Variants in LRPPRC observed in about 807,000 individuals in gnomAD.
LRPPRC encodes leucine-rich PPR motif-containing protein, mitochondrial.
LRPPRC carries 120 observed loss-of-function variants against 180.3 expected under a neutral mutation model. That is an observed-to-expected ratio of 0.67 (90% CI 0.57 to 0.77). The LOEUF (loss-of-function observed/expected upper bound fraction) is 0.77. Among genes scored for constraint, LRPPRC ranks in the 30% least tolerant of loss-of-function variants. The pLI is 0.00. For missense variants in LRPPRC, 2,012 were observed against 1,657.2 expected, an observed-to-expected ratio of 1.21 and a Z score of -3.72; for synonymous variants, 723 against 600.0, an observed-to-expected ratio of 1.21 and a Z score of -3.00.
At chr2:43,906,290 TAC>T (rs1300401448) in intron 30 of LRPPRC, among the ~76,000 whole-genome samples, 1 of 152,354 alleles carries the variant, frequency 6.6e-6, no homozygotes, top group Admixed American at 6.5e-5. Context: ...TCTAGATTCA[TAC>T]AGTTTCTGAA....
intron 11 of LRPPRC, among the ~76,000 whole-genome samples, chr2:43,966,433 G>A (rs558059268): frequency 1.6e-4 from 24 of 149,226 alleles, no homozygotes; most frequent in Admixed American, 1.4e-3. Context: ...TTTTTGAGAC[G>A]GAGTTTCGCT....
At chr2:43,932,483 A>G (rs1672127160) in intron 25 of LRPPRC, among the ~76,000 whole-genome samples, 1 of 152,170 alleles carries the variant, frequency 6.6e-6, no homozygotes, top group Admixed American at 6.5e-5. Context: ...CACACCTACT[A>G]CGAAAATTCT....
chr2:43,956,750 C>T (rs769339153), intron 14 of LRPPRC, among the ~76,000 whole-genome samples: 26 of 151,950 alleles, frequency 1.7e-4, no homozygotes, highest in African/African-American at 6.3e-4. Flanking sequence ...CTTAGCCAGG[C>T]GTGGTGGTGG....
chr2:43,974,618 AAT>A lies in LRPPRC; in HGVS notation c.1003_1004del (p.Ile335SerfsTer13). 2 of 1,569,778 alleles carry A rather than the reference AAT, an allele frequency of 1.3e-6. No homozygotes were observed. Among genetic ancestry groups the A allele is most frequent in the Non-Finnish European group, 1.8e-6 (2 of 1,140,598 alleles). On this transcript the variant is annotated frameshift_variant, in exon 8 of 38. Coordinates refer to ENST00000260665, the MANE Select transcript of LRPPRC (RefSeq NM_133259.4). LOFTEE classifies it high-confidence loss of function. ...AATAGATTTTTTTAAAACTACCTGG[AAT>A]ATATCTTCTTTCACATGTAACTTTT... ...LEKVTCERRY[I>X]PDAMNLILLL...
chr2:43,895,471 A>G (rs148867437), intron 35 of LRPPRC, among the ~76,000 whole-genome samples: 1,622 of 152,358 alleles, frequency 0.011, 29 homozygotes, highest in African/African-American at 0.037. Context: ...CTCCTGGACA[A>G]GGCAACAGGG....
intron 11 of LRPPRC, among the ~76,000 whole-genome samples, chr2:43,967,687 C>T (rs183180180): frequency 2.6e-5 from 4 of 152,208 alleles, no homozygotes; most frequent in South Asian, 2.1e-4. Context: ...GAGCGAGACT[C>T]GGTCTCAAAT....
chr2:43,926,313 T>C (rs1414358243), intron 25 of LRPPRC, among the ~76,000 whole-genome samples: 1 of 152,224 alleles, frequency 6.6e-6, no homozygotes, highest in Non-Finnish European at 1.5e-5. Flanking sequence ...TTATACTGTC[T>C]TTAGTTCAAA....
intron 36 of LRPPRC, among the ~76,000 whole-genome samples, chr2:43,891,658 C>T (rs1324671159): frequency 6.6e-6 from 1 of 152,164 alleles, no homozygotes; most frequent in Non-Finnish European, 1.5e-5. Flanking sequence ...TCTACTCAGG[C>T]CTCCCTATTC....
At chr2:43,995,621 C>G (rs550981260) in intron 1 of LRPPRC, among the ~76,000 whole-genome samples, 178 bp downstream of exon 1, 1 of 152,348 alleles carries the variant, frequency 6.6e-6, no homozygotes, top group East Asian at 1.9e-4. Flanking sequence ...TCTGAAGGCG[C>G]TTAACCCTGT....
chr2:43,947,771 G>C lies in LRPPRC; in HGVS notation c.1925C>G (p.Ala642Gly), dbSNP rs1038347063. 6.3e-7 allele frequency: 1 copy of C among 1,587,110 alleles called. No individual in the cohort carries two copies. Among genetic ancestry groups the C allele is most frequent in the Non-Finnish European group, 8.7e-7 (1 of 1,155,772 alleles). Residue 642 changes from alanine to glycine, a missense_variant, in exon 19 of 38, where the codon GCT becomes GGT. Physicochemically the swap from Ala to Gly is moderately conservative, Grantham distance 60. Coordinates refer to ENST00000260665, the MANE Select transcript of LRPPRC (RefSeq NM_133259.4). ...SYHVPELIKD[A>G]HLLVESKNLD... ...ATTCTTACTCTCAACCAACAAGTGA[G>C]CATCCTAAAATTGAAATTTAAATTA...
At chr2:43,993,236 G>C (rs1016683917) in intron 1 of LRPPRC, among the ~76,000 whole-genome samples, 3 of 152,172 alleles carry the variant, frequency 2.0e-5, no homozygotes, top group Non-Finnish European at 4.4e-5. Context: ...TAAGTCATTA[G>C]AAGGACAGCT....
At chr2:43,959,325 T>A (rs1259302684) in intron 13 of LRPPRC, 4 of 647,044 alleles carry the variant, frequency 6.2e-6, no homozygotes, top group Admixed American at 2.4e-5. Flanking sequence ...CCATTTTTCA[T>A]ACTGGACACT....
chr2:43,950,418 A>G (rs1672854160), intron 15 of LRPPRC, among the ~76,000 whole-genome samples, 155 bp downstream of exon 15: 1 of 152,190 alleles, frequency 6.6e-6, no homozygotes, highest in Non-Finnish European at 1.5e-5. Context: ...ACACTAAAAG[A>G]CACACATAAC....
intron 29 of LRPPRC, among the ~76,000 whole-genome samples, chr2:43,915,840 T>A (rs1350205346): frequency 6.6e-6 from 1 of 152,192 alleles, no homozygotes; most frequent in Non-Finnish European, 1.5e-5. Flanking sequence ...CGATCATGGC[T>A]CAATGCAGCT....
chr2:43,925,999 G>A, intron 25 of LRPPRC, 38 bp from the exon 26 acceptor site: 2 of 1,192,566 alleles, frequency 1.7e-6, no homozygotes, highest in South Asian at 1.2e-5. Flanking sequence ...CCAAGGTAAG[G>A]CTTCGGCTGA....
intron 8 of LRPPRC, 88 bp from the exon 9 acceptor site, chr2:43,974,383 A>C: frequency 9.8e-7 from 1 of 1,023,898 alleles, no homozygotes. Context: ...AGACAAAATA[A>C]GAATTGCAAA....
Position 43,975,167 on chromosome 2 carries a change from A to G in LRPPRC, c.788T>C (p.Ile263Thr), listed in dbSNP as rs1673997432. ...GAGGTATGTGTCTGGACCAGGCTCAATTCCGGCATCTCTCATCACTGTGAG... is the reference window on the plus strand; with the variant it reads ...GAGGTATGTGTCTGGACCAGGCTCAGTTCCGGCATCTCTCATCACTGTGAG... ...NILTVMRDAG[I>T]EPGPDTYLAL... is the part of the protein sequence containing the mutation. The change falls in exon 7 of 38, where the codon ATT (isoleucine) becomes ACT (threonine). Residue 263 changes from isoleucine (I) to threonine (T), a missense_variant. Physicochemically the swap from Ile to Thr is moderately conservative, Grantham distance 89. Coordinates refer to ENST00000260665, the MANE Select transcript of LRPPRC (RefSeq NM_133259.4). 2 of 1,613,644 alleles carry G rather than the reference A, an allele frequency of 1.2e-6. No homozygotes were observed. Among genetic ancestry groups the G allele is most frequent in the East Asian group, 2.2e-5 (1 of 44,842 alleles).
intron 12 of LRPPRC, among the ~76,000 whole-genome samples, chr2:43,963,239 GTT>G (rs1278812292): frequency 1.3e-5 from 2 of 152,148 alleles, no homozygotes; most frequent in African/African-American, 4.8e-5. Flanking sequence ...GAGGTCGGGA[GTT>G]TGAGTCCAGC....
In LRPPRC at chr2:43,918,262, T is replaced by C. The variant is rs1173413404; in HGVS notation, c.3033A>G (p.Val1011=). The C allele has an allele frequency of 4.3e-6, 7 of 1,613,280 alleles. No individual in the cohort carries two copies. The highest frequency in any genetic ancestry group is 2.2e-5 in the South Asian group (2 of 91,080). ...TTATGCCAAAAACAATTACCTCAGG[T>C]ACGTCAAACGGAACTTCCTGGTTAC... ...REGNQEVPFD[V]PELWYEDEKH... The change falls in exon 28 of 38, where the codon GTA becomes GTG. Residue 1011 remains valine (V), a synonymous_variant. Transcript: ENST00000260665.
Sources: allele counts gnomAD v4.1 joint callset (sites outside exome capture counted in the v4.1 genomes callset), GRCh38; gene constraint gnomAD v4.1.1; transcripts MANE v1.5; gene names NCBI Gene and HGNC (gene_info 2026-07-23, HGNC 2026-07-21).